The following NRXN1 variants were observed in gnomAD, a reference collection of about 807,000 sequenced individuals.
The protein encoded by NRXN1 is neurexin 1.
In NRXN1, 39 loss-of-function variants were observed where a neutral mutation model predicts 150.9. That is an observed-to-expected ratio of 0.26 (90% confidence interval 0.20 to 0.34). NRXN1 has a LOEUF of 0.34. Among genes scored for constraint, NRXN1 ranks in the 10% least tolerant of loss-of-function variants. NRXN1 has a pLI of 1.00. For missense variants in NRXN1, 1,815 were observed against 1,949.9 expected, an observed-to-expected ratio of 0.93 and a Z score of 1.30; for synonymous variants, 924 against 757.0, an observed-to-expected ratio of 1.22 and a Z score of -3.62.
At chr2:50,141,752 C>T (rs1707303079) in intron 18 of NRXN1, among the ~76,000 whole-genome samples, 1 of 151,978 alleles carries the variant, frequency 6.6e-6, no homozygotes, top group African/African-American at 2.4e-5. Flanking sequence ...TCCAAACCTC[C>T]ATCAGATATC....
In NRXN1 at chr2:50,004,421, T is replaced by A. The variant is rs139711244; in HGVS notation, c.4128+48850A>T. ...TAGTATTCTCTGGTGTCAATTTGTA[T>A]GTGATTTTTAAAAATTGTTTTTGGA... On this transcript the variant is annotated intron_variant, in intron 21 of 22. Coordinates refer to ENST00000401669, the MANE Select transcript of NRXN1 (RefSeq NM_001330078.2). 3.9e-3 allele frequency among the ~76,000 whole-genome samples: 593 copies of A among 152,244 alleles called. 15 individuals carry two copies. Among genetic ancestry groups the A allele is most frequent in the Admixed American group, 0.033 (505 of 15,272 alleles).
intron 5 of NRXN1, among the ~76,000 whole-genome samples, chr2:50,791,136 T>TAA (rs554425861): frequency 1.3e-5 from 2 of 150,112 alleles, no homozygotes; most frequent in Non-Finnish European, 3.0e-5. Flanking sequence ...TTTTTTTTTT[T>TAA]TAAAAAAAAA....
intron 5 of NRXN1, among the ~76,000 whole-genome samples, chr2:50,678,722 T>C (rs1322957500): frequency 2.6e-5 from 4 of 152,132 alleles, no homozygotes; most frequent in African/African-American, 7.2e-5. Context: ...TTCTCTCCTC[T>C]TCCATTCTCC....
At chr2:50,016,747 C>G (rs1686693249) in intron 21 of NRXN1, among the ~76,000 whole-genome samples, 1 of 152,080 alleles carries the variant, frequency 6.6e-6, no homozygotes, top group Non-Finnish European at 1.5e-5. Flanking sequence ...TATTACAATT[C>G]AAGGTGATAA....
chr2:50,648,488 T>C (rs1011003949), intron 5 of NRXN1, among the ~76,000 whole-genome samples: 3 of 152,090 alleles, frequency 2.0e-5, no homozygotes, highest in Non-Finnish European at 4.4e-5. Context: ...TCATTTATCA[T>C]AGGCTTGTCT....
At chr2:51,020,392 C>G (rs1232985703) in intron 2 of NRXN1, among the ~76,000 whole-genome samples, 1 of 151,824 alleles carries the variant, frequency 6.6e-6, no homozygotes, top group African/African-American at 2.4e-5. Flanking sequence ...GTCATAAAAT[C>G]CATATTTTAA....
intron 17 of NRXN1, among the ~76,000 whole-genome samples, chr2:50,448,354 C>T (rs754587439): frequency 6.6e-6 from 1 of 152,112 alleles, no homozygotes; most frequent in Non-Finnish European, 1.5e-5. Flanking sequence ...CAAAACCAAA[C>T]CTGACTCCAT....
chr2:50,153,018 T>G (rs969204385), intron 18 of NRXN1, among the ~76,000 whole-genome samples: 8 of 151,710 alleles, frequency 5.3e-5, no homozygotes, highest in Non-Finnish European at 1.2e-4. Flanking sequence ...CTCCAATCAT[T>G]TTTTACTTTC....
chr2:50,719,675 A>T (rs941747665), intron 5 of NRXN1, among the ~76,000 whole-genome samples: 2 of 151,754 alleles, frequency 1.3e-5, no homozygotes, highest in Non-Finnish European at 2.9e-5. Flanking sequence ...GACTCTGTCT[A>T]AAAAAAACAA....
At chr2:50,138,550 A>G (rs1309303907) in intron 18 of NRXN1, among the ~76,000 whole-genome samples, 1 of 152,230 alleles carries the variant, frequency 6.6e-6, no homozygotes, top group South Asian at 2.1e-4. Context: ...AATCTGTGAC[A>G]ATAGAATTCA....
intron 17 of NRXN1, among the ~76,000 whole-genome samples, chr2:50,377,305 T>G (rs963083256): frequency 6.6e-6 from 1 of 152,088 alleles, no homozygotes; most frequent in Non-Finnish European, 1.5e-5. Flanking sequence ...TGGCCATGTG[T>G]TCTCATTGTT....
chr2:50,642,254 T>C (rs187591164), intron 5 of NRXN1, among the ~76,000 whole-genome samples: 2 of 152,098 alleles, frequency 1.3e-5, no homozygotes, highest in African/African-American at 4.8e-5. Flanking sequence ...ACAAGATATT[T>C]ACAATGCAAA....
intron 5 of NRXN1, among the ~76,000 whole-genome samples, chr2:50,850,315 T>C (rs1449240443): frequency 6.6e-6 from 1 of 152,088 alleles, no homozygotes; most frequent in African/African-American, 2.4e-5. Flanking sequence ...CCTTCTCCAC[T>C]GCTTTTTAAC....
chr2:50,506,178 A>G (rs1005617911), intron 13 of NRXN1, among the ~76,000 whole-genome samples: 1 of 152,208 alleles, frequency 6.6e-6, no homozygotes, highest in African/African-American at 2.4e-5. Context: ...GAAACTCAAC[A>G]GAAATTGGCA....
chr2:50,494,334 T>G (rs2091437997), intron 15 of NRXN1, among the ~76,000 whole-genome samples: 1 of 152,202 alleles, frequency 6.6e-6, no homozygotes, highest in South Asian at 2.1e-4. Flanking sequence ...CACTTTTTGC[T>G]TTAGCTTTGG....
At chr2:50,154,169 C>G (rs1031775005) in intron 18 of NRXN1, among the ~76,000 whole-genome samples, 6 of 151,500 alleles carry the variant, frequency 4.0e-5, no homozygotes, top group Non-Finnish European at 8.9e-5. Flanking sequence ...TTCCCAGACT[C>G]CTCTTTGAAG....
At chr2:50,208,418 T>C (rs1463662360) in intron 18 of NRXN1, among the ~76,000 whole-genome samples, 1 of 152,134 alleles carries the variant, frequency 6.6e-6, no homozygotes, top group African/African-American at 2.4e-5. Context: ...GAAATACAGT[T>C]CCGGTCTCCC....
chr2:49,946,941 A>C (rs1273027780), intron 21 of NRXN1, among the ~76,000 whole-genome samples: 1 of 152,160 alleles, frequency 6.6e-6, no homozygotes, highest in East Asian at 1.9e-4. Flanking sequence ...AATTGGCACG[A>C]TAATCATGTA....
chr2:50,090,962 C>T (rs1699478695), intron 19 of NRXN1, among the ~76,000 whole-genome samples: 1 of 152,008 alleles, frequency 6.6e-6, no homozygotes, highest in African/African-American at 2.4e-5. Flanking sequence ...ATATTCTTTC[C>T]CTTAGTTTTA....
Sources: gnomAD v4.1 joint callset for allele counts (sites outside exome capture counted in the v4.1 genomes callset) on GRCh38, gnomAD v4.1.1 for gene constraint, MANE v1.5 for transcripts, NCBI Gene and HGNC (gene_info 2026-07-23, HGNC 2026-07-21) for gene names.